CDON: variants seen among roughly 807,000 people sequenced by gnomAD.
CDON encodes cell adhesion molecule-related/down-regulated by oncogenes.
CDON carries 73 observed loss-of-function variants against 120.9 expected under a neutral mutation model. That is an observed-to-expected ratio of 0.60 (90% CI 0.50 to 0.73). The LOEUF (loss-of-function observed/expected upper bound fraction) is 0.73, where lower values mean the gene tolerates loss of function less well. Among genes scored for constraint, CDON ranks in the 30% least tolerant of loss-of-function variants. The pLI, the probability that CDON is intolerant of heterozygous loss-of-function variation, is 0.00. For synonymous variants in CDON, 566 were observed against 573.5 expected, an observed-to-expected ratio of 0.99 and a Z score of 0.19; for missense variants, 1,470 against 1,587.3, an observed-to-expected ratio of 0.93 and a Z score of 1.26.
intron 18 of CDON, among the ~76,000 whole-genome samples, chr11:125,976,100 C>T (rs934210671): frequency 2.0e-5 from 3 of 152,104 alleles, no homozygotes; most frequent in Non-Finnish European, 4.4e-5. Flanking sequence ...TGAGAGTAAA[C>T]CACGTATCAT....
At chr11:126,001,898 T>C (rs767180400) in intron 10 of CDON, 48 bp from the exon 11 acceptor site, 2 of 1,413,064 alleles carry the variant, frequency 1.4e-6, no homozygotes, top group Admixed American at 1.7e-5. Context: ...TATATGTATG[T>C]AAAGTGGAAA....
At chr11:126,062,893 T>A (rs1417830461), upstream of CDON, 1 of 150,606 alleles carries the variant, frequency 6.6e-6, no homozygotes, top group African/African-American at 2.4e-5. Flanking sequence ...GCGGCTGCGC[T>A]CCTCCCCGCC....
At chr11:125,984,413 T>C (rs917589383) in intron 15 of CDON, among the ~76,000 whole-genome samples, 1 of 152,212 alleles carries the variant, frequency 6.6e-6, no homozygotes, top group South Asian at 2.1e-4. Flanking sequence ...TGTTTCCACT[T>C]AGGCCGGGCG....
intron 5 of CDON, among the ~76,000 whole-genome samples, chr11:126,017,835 C>T (rs1240203810): frequency 3.9e-5 from 6 of 151,980 alleles, no homozygotes; most frequent in Non-Finnish European, 7.4e-5. Flanking sequence ...GTCACCTTGG[C>T]CAAAATTCCC....
At chr11:126,046,688 T>C (rs1948416010) in intron 1 of CDON, among the ~76,000 whole-genome samples, 3 of 152,064 alleles carry the variant, frequency 2.0e-5, no homozygotes, top group South Asian at 4.2e-4. Flanking sequence ...TAAATCCCAA[T>C]CTTCAATGGC....
rs1162019454 is a variant in CDON at position 125,959,480 on chromosome 11, T to C, written c.*1462A>G. The C allele has an allele frequency of 1.3e-5, 2 of 152,152 alleles. No homozygotes were observed. Among genetic ancestry groups the C allele is most frequent in the Non-Finnish European group, 2.9e-5 (2 of 68,032 alleles). The allele number at this position is 152,152 out of a possible 1,614,324, so 9.4% of individuals were successfully genotyped here. ...TTCCAAAGGCAGCTGCAAATGTCCT[T>C]GTCACGCAGAGGCAGCCGTGGTCAG... On this transcript the variant is annotated 3_prime_UTR_variant, in exon 20 of 20. Transcript: ENST00000531738.
chr11:126,013,363 G>C (rs565517991), intron 7 of CDON, among the ~76,000 whole-genome samples: 1 of 151,996 alleles, frequency 6.6e-6, no homozygotes, highest in African/African-American at 2.4e-5. Context: ...CTCTTCTCTG[G>C]AACACTTTGT....
At chr11:126,043,615 T>C (rs1948325369) in intron 1 of CDON, among the ~76,000 whole-genome samples, 1 of 152,178 alleles carries the variant, frequency 6.6e-6, no homozygotes, top group East Asian at 1.9e-4. Flanking sequence ...AACACTCAGA[T>C]AGCCTCCCCA....
At chr11:126,020,801 A>G (rs1947611741) in intron 3 of CDON, among the ~76,000 whole-genome samples, 1 of 152,172 alleles carries the variant, frequency 6.6e-6, no homozygotes, top group African/African-American at 2.4e-5. Context: ...TATTAAAATC[A>G]CTCAGTAATC....
intron 8 of CDON, among the ~76,000 whole-genome samples, chr11:126,007,733 T>C (rs1947168613): frequency 6.6e-6 from 1 of 152,180 alleles, no homozygotes; most frequent in Non-Finnish European, 1.5e-5. Context: ...TAAGATGCAA[T>C]GAGACCTCTC....
At chr11:126,041,718 C>T (rs144424303) in intron 1 of CDON, among the ~76,000 whole-genome samples, 8 of 152,274 alleles carry the variant, frequency 5.3e-5, no homozygotes, top group Middle Eastern at 3.4e-3. Flanking sequence ...CAATCTATCC[C>T]GCCTCTTGCC....
rs1363917534 is a variant in CDON at position 126,047,382 on chromosome 11, A to G, written c.-62+15197T>C. On this transcript the variant is annotated intron_variant, in intron 1 of 19. Transcript: ENST00000531738. ...CTAACTGCTCTCTTTCCCAGGAGCC[A>G]TGTCCTCACGAACCCAAGCACATAC... Among the ~76,000 whole-genome samples the G allele has an allele frequency of 2.0e-5, 3 of 152,172 alleles. No homozygotes were observed. In the East Asian group the frequency reaches 5.8e-4, roughly 29 times the overall value.
intron 2 of CDON, among the ~76,000 whole-genome samples, chr11:126,022,944 G>T (rs1216970005): frequency 6.6e-6 from 1 of 152,202 alleles, no homozygotes; most frequent in African/African-American, 2.4e-5. Context: ...CAAAGAGGTA[G>T]ACAATAAATT....
chr11:125,980,689 C>T (rs1946270524), intron 17 of CDON, among the ~76,000 whole-genome samples: 1 of 152,180 alleles, frequency 6.6e-6, no homozygotes, highest in East Asian at 1.9e-4. Context: ...TCCTGATCTG[C>T]CTGACTCTTT....
chr11:126,025,647 A>G (rs1321082085), intron 1 of CDON, among the ~76,000 whole-genome samples: 1 of 152,198 alleles, frequency 6.6e-6, no homozygotes, highest in Non-Finnish European at 1.5e-5. Context: ...ATTATCATAT[A>G]TATTGCTGGT....
At chr11:126,056,392 T>C (rs1948681019) in intron 1 of CDON, among the ~76,000 whole-genome samples, 1 of 152,184 alleles carries the variant, frequency 6.6e-6, no homozygotes, top group African/African-American at 2.4e-5. Context: ...CCTTCTCCAG[T>C]CCAGAGGAAC....
At chr11:125,970,181 T>TG (rs1565491801) in intron 18 of CDON, among the ~76,000 whole-genome samples, 1 of 129,188 alleles carries the variant, frequency 7.7e-6, no homozygotes, top group East Asian at 2.3e-4. Context: ...TGTTTTTTTT[T>TG]TTTTTTTTTT....
Position 125,983,988 on chromosome 11 carries a change from C to T in CDON, c.2879G>A (p.Arg960Lys). The T allele has an allele frequency of 6.2e-7, 1 of 1,614,168 alleles. No individual in the cohort carries two copies. ...GATCAGATATAACATGTCACTGCTTCTGGCAGGGCTGGTTGCAGGCCCCAC... is the reference window on the plus strand; with the variant it reads ...GATCAGATATAACATGTCACTGCTTTTGGCAGGGCTGGTTGCAGGCCCCAC... ...GNVGPATSPA[R>K]SSDMLYLIVG... Residue 960 changes from arginine (R) to lysine (K), a missense_variant, in exon 16 of 20, where the codon AGA (arginine) becomes AAA (lysine). Arg to Lys is a conservative substitution (Grantham distance 26). Coordinates refer to ENST00000531738, the MANE Select transcript of CDON (RefSeq NM_001378964.1).
chr11:125,961,626 T>C (rs1028907108), intron 19 of CDON, 98 bp downstream of exon 19: 1 of 1,528,564 alleles, frequency 6.5e-7, no homozygotes, highest in African/African-American at 1.4e-5. Flanking sequence ...TGTAAACTAA[T>C]CATAGAGGGG....
Sources: gnomAD v4.1 joint callset for allele counts (sites outside exome capture counted in the v4.1 genomes callset) on GRCh38, gnomAD v4.1.1 for gene constraint, MANE v1.5 for transcripts, NCBI Gene and HGNC (gene_info 2026-07-23, HGNC 2026-07-21) for gene names.